Variants in MTFR1 observed in about 807,000 individuals in gnomAD.
MTFR1 encodes the protein mitochondrial fission regulator 1, also known as chondrocyte protein with a poly-proline region.
A neutral mutation model predicts 38.8 loss-of-function variants in MTFR1; 28 were observed. That is an observed-to-expected ratio of 0.72 (90% CI 0.53 to 0.99). The LOEUF is 0.99. Among genes scored for constraint, MTFR1 ranks in the 50% least tolerant of loss-of-function variants. The pLI is 0.00. For missense variants in MTFR1, 358 were observed against 395.5 expected, an observed-to-expected ratio of 0.91 and a Z score of 0.81; for synonymous variants, 145 against 137.0, an observed-to-expected ratio of 1.06 and a Z score of -0.41.
In MTFR1 at chr8:65,696,064, G is replaced by C. The variant is rs548342455; in HGVS notation, c.281+2305G>C. On this transcript the variant is annotated intron_variant, in intron 4 of 7. Coordinates refer to ENST00000262146, the MANE Select transcript of MTFR1 (RefSeq NM_014637.4). ...TTTTATTGAAGAGGAGTAGTGATCA[G>C]TGTCAAATACTTAGAGGCTGGGTAA... is the stretch of plus-strand genomic sequence containing the variant. 3.9e-5 allele frequency among the ~76,000 whole-genome samples: 6 copies of C among 152,300 alleles called. No homozygotes were observed. In the East Asian group the frequency reaches 1.2e-3, roughly 29 times the overall value.
At chr8:65,675,378 G>C (rs1214683406) in intron 2 of MTFR1, among the ~76,000 whole-genome samples, 1 of 151,976 alleles carries the variant, frequency 6.6e-6, no homozygotes, top group Non-Finnish European at 1.5e-5. Flanking sequence ...GGTGGATCAC[G>C]AGGTCAGGAG....
chr8:65,776,524 T>G, the MTFR1 span, among the ~76,000 whole-genome samples: 1 of 152,152 alleles, frequency 6.6e-6, no homozygotes, highest in Non-Finnish European at 1.5e-5. Context: ...TACTGAATCC[T>G]CCAATCCATA....
chr8:65,686,625 G>A (rs1416032032), intron 3 of MTFR1, among the ~76,000 whole-genome samples: 1 of 142,910 alleles, frequency 7.0e-6, no homozygotes, highest in Non-Finnish European at 1.5e-5. Context: ...GTAGTTTTGA[G>A]ACTAACTGAG....
At chr8:65,666,375 C>T (rs1804382919) in intron 1 of MTFR1, among the ~76,000 whole-genome samples, 1 of 152,214 alleles carries the variant, frequency 6.6e-6, no homozygotes, top group African/African-American at 2.4e-5. Flanking sequence ...CACTGCAGTC[C>T]AGCCTGGGCG....
chr8:65,676,601 T>G (rs1485311692), intron 2 of MTFR1, among the ~76,000 whole-genome samples: 1 of 152,184 alleles, frequency 6.6e-6, no homozygotes, highest in Non-Finnish European at 1.5e-5. Flanking sequence ...TGACCTCAAG[T>G]GATCCACCCT....
chr8:65,645,278 G>A (rs1808923149), intron 1 of MTFR1, among the ~76,000 whole-genome samples: 2 of 152,240 alleles, frequency 1.3e-5, no homozygotes, highest in African/African-American at 4.8e-5. Flanking sequence ...CTGATCCGCC[G>A]GGAAGTTTAA....
chr8:65,658,457 T>C (rs968692848), intron 1 of MTFR1, among the ~76,000 whole-genome samples: 2 of 152,238 alleles, frequency 1.3e-5, no homozygotes, highest in Non-Finnish European at 2.9e-5. Context: ...AGAAAGTCTA[T>C]TTCCAATATT....
chr8:65,739,539 G>A (rs866071933), intron 3 of MTFR1: 13 of 1,569,838 alleles, frequency 8.3e-6, no homozygotes, highest in Non-Finnish European at 1.0e-5. Flanking sequence ...CTAAATGGAA[G>A]TACTCAATTA....
intron 4 of MTFR1, among the ~76,000 whole-genome samples, chr8:65,702,297 CTTTT>C (rs530863447): frequency 4.5e-5 from 5 of 110,268 alleles, no homozygotes; most frequent in Admixed American, 9.8e-5. Flanking sequence ...TTCTTTCTTT[CTTTT>C]TTTTTTTTTT....
intron 3 of MTFR1, among the ~76,000 whole-genome samples, chr8:65,751,555 C>T (rs975235981): frequency 2.6e-5 from 4 of 151,896 alleles, no homozygotes; most frequent in Admixed American, 2.6e-4. Context: ...TGCAATGGTG[C>T]GATATCGGCT....
chr8:65,715,109 C>T (rs373379818), downstream of MTFR1, among the ~76,000 whole-genome samples: 37 of 152,226 alleles, frequency 2.4e-4, no homozygotes, highest in South Asian at 5.8e-3. Context: ...AATTTTTAGT[C>T]TCCCATGTAA....
At position 65,743,820 on chromosome 8, in the gene MTFR1, C is replaced by T. The variant is rs978288183; in HGVS notation, c.*48+24339C>T. ...TCTCAGTGTACTTTCAGCTCTGGGG[C>T]AAAACATTAGCTGAATTGCTTTTTT... On this transcript the variant is annotated intron_variant, in intron 3 of 3. Transcript: ENST00000521247. Among the ~76,000 whole-genome samples, 3 of 150,976 alleles carry T rather than the reference C, an allele frequency of 2.0e-5. No homozygotes were observed. The South Asian group carries it at 6.3e-4, about 32-fold the overall frequency.
intron 3 of MTFR1, among the ~76,000 whole-genome samples, chr8:65,736,264 A>G (rs967811407): frequency 2.6e-5 from 4 of 152,212 alleles, no homozygotes; most frequent in Non-Finnish European, 5.9e-5. Flanking sequence ...TCAGGATGCA[A>G]TGAGATTTCA....
intron 5 of MTFR1, among the ~76,000 whole-genome samples, chr8:65,706,761 A>G (rs2129059436): frequency 1.3e-5 from 2 of 152,340 alleles, no homozygotes; most frequent in South Asian, 4.1e-4. Flanking sequence ...ATTTGATATC[A>G]CAAAAACACC....
intron 1 of MTFR1, among the ~76,000 whole-genome samples, chr8:65,660,291 C>CAAAAA (rs1358969347): frequency 1.9e-4 from 13 of 67,422 alleles, no homozygotes; most frequent in East Asian, 5.3e-4. Flanking sequence ...AACTCTGTCT[C>CAAAAA]AAAAAAAAAA....
chr8:65,648,605 T>A (rs1351107215), intron 1 of MTFR1, among the ~76,000 whole-genome samples: 4 of 152,218 alleles, frequency 2.6e-5, no homozygotes, highest in African/African-American at 9.6e-5. Flanking sequence ...ATAGTTGATA[T>A]CATTAAAAAA....
chr8:65,773,657 T>G (rs1308325868), downstream of MTFR1, among the ~76,000 whole-genome samples: 1 of 152,234 alleles, frequency 6.6e-6, no homozygotes, highest in African/African-American at 2.4e-5. Context: ...TCTTTATTAC[T>G]AACATTGATA....
intron 1 of MTFR1, among the ~76,000 whole-genome samples, chr8:65,656,569 T>A (rs1216194607): frequency 1.3e-5 from 2 of 150,352 alleles, no homozygotes; most frequent in Non-Finnish European, 3.0e-5. Flanking sequence ...TGGCGCGATC[T>A]TGGCTCACTG....
Position 65,700,073 on chromosome 8 carries a change from G to A in MTFR1, c.282-4621G>A, listed in dbSNP as rs564439789. ...TATTTATAAACTAGAAGTACAGGCC[G>A]AGTGTAGTGGCTCATGCTTATAATC... is the stretch of plus-strand genomic sequence containing the variant. On this transcript the variant is annotated intron_variant, in intron 4 of 7. Coordinates refer to ENST00000262146, the MANE Select transcript of MTFR1 (RefSeq NM_014637.4). Among the ~76,000 whole-genome samples, 5 of 151,940 alleles carry A rather than the reference G, an allele frequency of 3.3e-5. No homozygotes were observed. The South Asian group carries it at 6.2e-4, about 19-fold the overall frequency.
Sources: allele counts gnomAD v4.1 joint callset (sites outside exome capture counted in the v4.1 genomes callset), GRCh38; gene constraint gnomAD v4.1.1; transcripts MANE v1.5; gene names NCBI Gene and HGNC (gene_info 2026-07-23, HGNC 2026-07-21).